The following AGTPBP1 variants were observed in gnomAD, a reference collection of about 807,000 sequenced individuals.
AGTPBP1 encodes the protein cytosolic carboxypeptidase 1.
AGTPBP1 carries 70 observed loss-of-function variants against 143.9 expected under a neutral mutation model. That is an observed-to-expected ratio of 0.49 (90% CI 0.40 to 0.59). The LOEUF (loss-of-function observed/expected upper bound fraction) is 0.59. AGTPBP1 is among the 20% of genes least tolerant of loss of function. AGTPBP1 has a pLI of 0.00. For missense variants in AGTPBP1, 1,229 were observed against 1,464.5 expected, an observed-to-expected ratio of 0.84 and a Z score of 2.62; for synonymous variants, 463 against 500.2, an observed-to-expected ratio of 0.93 and a Z score of 0.99.
At chr9:85,561,926 G>C (rs1278122184) in intron 25 of AGTPBP1, among the ~76,000 whole-genome samples, 1 of 150,036 alleles carries the variant, frequency 6.7e-6, no homozygotes, top group East Asian at 2.0e-4. Context: ...TCCGCCTCCC[G>C]GGTTCAAGCA....
At chr9:85,727,455 T>C (rs1405558784) in intron 1 of AGTPBP1, among the ~76,000 whole-genome samples, 3 of 152,242 alleles carry the variant, frequency 2.0e-5, no homozygotes, top group African/African-American at 7.2e-5. Flanking sequence ...TTAACTGTTA[T>C]ATAAAAACCT....
chr9:85,732,853 ACT>A (rs1245231146), intron 1 of AGTPBP1, among the ~76,000 whole-genome samples: 1 of 152,124 alleles, frequency 6.6e-6, no homozygotes, highest in African/African-American at 2.4e-5. Context: ...GACAAAACAG[ACT>A]CTGAATCAAA....
intron 15 of AGTPBP1, among the ~76,000 whole-genome samples, chr9:85,620,542 T>G (rs1371270807): frequency 2.0e-5 from 3 of 152,128 alleles, no homozygotes; most frequent in Admixed American, 6.6e-5. Flanking sequence ...ATTGAATTTC[T>G]CATATGAGAA....
At chr9:85,657,693 AGTG>A (rs1448987712) in intron 9 of AGTPBP1, 50 bp from the exon 10 acceptor site, 1 of 1,382,028 alleles carries the variant, frequency 7.2e-7, no homozygotes. Flanking sequence ...GACGAGAGTG[AGTG>A]GTAGAATAAT....
chr9:85,765,193 T>A, the AGTPBP1 span: 1 of 277,582 alleles, frequency 3.6e-6, no homozygotes, highest in South Asian at 4.8e-5. Flanking sequence ...TGAGTATATT[T>A]GCCTTCTCAG....
chr9:85,570,783 G>T (rs1371552925), intron 25 of AGTPBP1, among the ~76,000 whole-genome samples: 2 of 152,166 alleles, frequency 1.3e-5, no homozygotes, highest in Admixed American at 1.3e-4. Flanking sequence ...CTACATGAAA[G>T]ACACTGAGAT....
In AGTPBP1 at chr9:85,731,535, C is replaced by T. The variant is rs552112077; in HGVS notation, c.-34+10240G>A. ...AGTACAGTGGCACAAACAAGGCTCA[C>T]GGCAGCCTCAAACTCCTGGGCTCAA... On this transcript the variant is annotated intron_variant, in intron 1 of 25. Transcript: ENST00000357081. Among the ~76,000 whole-genome samples, 24 of 152,208 alleles carry T rather than the reference C, an allele frequency of 1.6e-4. 1 individual carries two copies. In the South Asian group the frequency reaches 4.3e-3, roughly 28 times the overall value.
At chr9:85,695,917 CT>C (rs1443550481) in intron 2 of AGTPBP1, among the ~76,000 whole-genome samples, 4 of 151,930 alleles carry the variant, frequency 2.6e-5, no homozygotes, top group Non-Finnish European at 5.9e-5. Context: ...TCTCGGCTCA[CT>C]GAAACCTCCA....
chr9:85,649,849 C>T (rs1186916713), intron 11 of AGTPBP1, among the ~76,000 whole-genome samples: 4 of 152,048 alleles, frequency 2.6e-5, no homozygotes, highest in Admixed American at 2.6e-4. Flanking sequence ...CTTAATATTA[C>T]AATAAACTTA....
the AGTPBP1 span, chr9:85,770,248 A>G: frequency 9.0e-6 from 12 of 1,326,708 alleles, no homozygotes; most frequent in Admixed American, 3.5e-5. Context: ...AAGTTATACT[A>G]TTTCATTTAA....
chr9:85,737,062 C>T (rs898808168), intron 1 of AGTPBP1, among the ~76,000 whole-genome samples: 1 of 152,186 alleles, frequency 6.6e-6, no homozygotes, highest in African/African-American at 2.4e-5. Flanking sequence ...GCAGAGATTG[C>T]ACCACTGCAC....
At position 85,560,588 on chromosome 9, in the gene AGTPBP1, T is replaced by TA. The variant is rs1016452087; in HGVS notation, c.3504-13303dup. Among the ~76,000 whole-genome samples the TA allele has an allele frequency of 8.0e-4, 120 of 149,702 alleles. 1 individual carries two copies. Among genetic ancestry groups the TA allele is most frequent in the African/African-American group, 1.9e-3 (79 of 40,982 alleles). On this transcript the variant is annotated intron_variant, in intron 25 of 25. Coordinates refer to ENST00000357081, the MANE Select transcript of AGTPBP1 (RefSeq NM_001330701.2). The stretch of plus-strand genomic sequence containing the variant: ...GCCCCTAAGGCAATACTTCTCAACT[T>TA]AAAAAAAAAATCCCCTAAGGAGTCT...
At chr9:85,641,182 A>G (rs1268325158) in intron 13 of AGTPBP1, among the ~76,000 whole-genome samples, 3 of 152,188 alleles carry the variant, frequency 2.0e-5, no homozygotes, top group Admixed American at 6.5e-5. Flanking sequence ...TCCCACGGAT[A>G]AGGGGGGCCT....
Position 85,674,633 on chromosome 9 carries a change from T to C in AGTPBP1, c.437-1952A>G, listed in dbSNP as rs551081934. ...AAAGAAAAATAAGAGACAGCTAACATATTCCTTAAATAAACTAAATACATC... is the reference window on the plus strand; with the variant it reads ...AAAGAAAAATAAGAGACAGCTAACACATTCCTTAAATAAACTAAATACATC... On this transcript the variant is annotated intron_variant, in intron 6 of 25. Transcript: ENST00000357081. Among the ~76,000 whole-genome samples the C allele has an allele frequency of 9.5e-4, 145 of 152,280 alleles. 5 individuals carry two copies. In the South Asian group the frequency reaches 0.03, roughly 31 times the overall value.
chr9:85,676,328 T>C, intron 6 of AGTPBP1, among the ~76,000 whole-genome samples: 1 of 151,832 alleles, frequency 6.6e-6, no homozygotes, highest in East Asian at 1.9e-4. Flanking sequence ...AACCAGAATA[T>C]ATAAGGAACT....
chr9:85,651,533 T>G (rs1438987649), intron 11 of AGTPBP1, among the ~76,000 whole-genome samples: 3 of 152,188 alleles, frequency 2.0e-5, no homozygotes. Context: ...TATTATATAG[T>G]TAACAGATTA....
chr9:85,769,065 A>G, the AGTPBP1 span, among the ~76,000 whole-genome samples: 8 of 152,022 alleles, frequency 5.3e-5, no homozygotes, highest in Non-Finnish European at 1.0e-4. Flanking sequence ...AAAAAAAAAA[A>G]AAAGAAATAT....
At chr9:85,634,312 G>C (rs943093322) in intron 13 of AGTPBP1, among the ~76,000 whole-genome samples, 4 of 151,956 alleles carry the variant, frequency 2.6e-5, no homozygotes, top group Non-Finnish European at 5.9e-5. Context: ...GGAGCCTCAT[G>C]AGCAGATGAA....
At chr9:85,634,880 T>G (rs1831933946) in intron 13 of AGTPBP1, among the ~76,000 whole-genome samples, 5 of 152,206 alleles carry the variant, frequency 3.3e-5, no homozygotes, top group Admixed American at 2.6e-4. Flanking sequence ...TTAATGTATA[T>G]TCCCAGTAAC....
Sources: gnomAD v4.1 joint callset for allele counts (sites outside exome capture counted in the v4.1 genomes callset) on GRCh38, gnomAD v4.1.1 for gene constraint, MANE v1.5 for transcripts, NCBI Gene and HGNC (gene_info 2026-07-23, HGNC 2026-07-21) for gene names.